Variants in SLC25A31 observed in about 807,000 individuals in gnomAD.
SLC25A31 encodes the protein solute carrier family 25 member 31.
SLC25A31 carries 40 observed loss-of-function variants against 36.2 expected under a neutral mutation model. The ratio of observed to expected loss-of-function variants is 1.10; its 90% CI spans 0.86 to 1.44. The LOEUF is 1.44. Among genes scored for constraint, SLC25A31 ranks in the 40% most tolerant of loss-of-function variants. SLC25A31 has a pLI of 0.00. For synonymous variants in SLC25A31, 143 were observed against 149.7 expected (o/e 0.96, Z 0.32); for missense variants, 350 against 397.1 (o/e 0.88, Z 1.01).
chr4:127,746,181 C>T (rs556168387), intron 2 of SLC25A31, among the ~76,000 whole-genome samples: 23 of 152,224 alleles, frequency 1.5e-4, no homozygotes, highest in Non-Finnish European at 3.2e-4. Context: ...TATATATGTA[C>T]CACATTTTCT....
chr4:127,756,167 C>T (rs899024521), intron 2 of SLC25A31, among the ~76,000 whole-genome samples: 2 of 152,138 alleles, frequency 1.3e-5, no homozygotes, highest in Admixed American at 6.5e-5. Flanking sequence ...GCATTATTCA[C>T]AATAGCTAAG....
chr4:127,734,155 T>C (rs902214961), intron 1 of SLC25A31, among the ~76,000 whole-genome samples: 2 of 152,242 alleles, frequency 1.3e-5, no homozygotes, highest in Non-Finnish European at 1.5e-5. Context: ...ACATCACTGC[T>C]AAAGTCACCA....
chr4:127,764,417 A>C (rs935397274), intron 3 of SLC25A31, 57 bp downstream of exon 3: 5 of 1,381,400 alleles, frequency 3.6e-6, no homozygotes, highest in Non-Finnish European at 5.1e-6. Context: ...ACCATCTGTT[A>C]TTTATTGGCA....
intron 1 of SLC25A31, among the ~76,000 whole-genome samples, chr4:127,740,250 A>G (rs1258446004): frequency 1.3e-5 from 2 of 151,722 alleles, no homozygotes; most frequent in Non-Finnish European, 2.9e-5. Context: ...TCTATGTAAC[A>G]TTATTGGGGT....
At position 127,764,999 on chromosome 4, in the gene SLC25A31, T is replaced by C. The variant is rs577484121; in HGVS notation, c.478+639T>C. 4.1e-4 allele frequency among the ~76,000 whole-genome samples: 62 copies of C among 152,328 alleles called. No homozygotes were observed. The South Asian group carries it at 0.012, about 31-fold the overall frequency. On this transcript the variant is annotated intron_variant, in intron 3 of 5. Coordinates refer to ENST00000281154, the MANE Select transcript of SLC25A31 (RefSeq NM_031291.4). The stretch of plus-strand genomic sequence containing the variant: ...ATACCAATTTGCTTACTCCGGATCC[T>C]TTAGTATATGTTTTTTCTTTTTAGT...
At chr4:127,745,882 T>G (rs1578659695) in intron 2 of SLC25A31, among the ~76,000 whole-genome samples, 1 of 152,272 alleles carries the variant, frequency 6.6e-6, no homozygotes, top group Non-Finnish European at 1.5e-5. Context: ...AGGGGTTTTT[T>G]GTACAGATAA....
intron 5 of SLC25A31, among the ~76,000 whole-genome samples, chr4:127,770,710 GA>G (rs556299259): frequency 1.3e-4 from 20 of 150,318 alleles, no homozygotes; most frequent in Middle Eastern, 3.4e-3. Context: ...CAACAGTACA[GA>G]AAAAAAAATG....
At chr4:127,750,437 A>G (rs556088180) in intron 2 of SLC25A31, among the ~76,000 whole-genome samples, 1 of 152,362 alleles carries the variant, frequency 6.6e-6, no homozygotes, top group African/African-American at 2.4e-5. Context: ...TTATAAACTC[A>G]TGGTAAAGTC....
intron 1 of SLC25A31, among the ~76,000 whole-genome samples, chr4:127,733,189 G>C (rs1362067047): frequency 6.6e-6 from 1 of 152,200 alleles, no homozygotes; most frequent in East Asian, 1.9e-4. Context: ...CTTCTGTTCA[G>C]AAGTTTACTA....
At chr4:127,749,632 C>T (rs2148757829) in intron 2 of SLC25A31, among the ~76,000 whole-genome samples, 1 of 151,640 alleles carries the variant, frequency 6.6e-6, no homozygotes, top group Non-Finnish European at 1.5e-5. Context: ...TCGCTTGAAC[C>T]CAGGAGGTGG....
chr4:127,744,703 A>G lies in SLC25A31; in HGVS notation c.264A>G (p.Ala88=), dbSNP rs752587529. The change falls in exon 2 of 6, where the codon GCA becomes GCG. Residue 88 remains alanine, a synonymous_variant. Coordinates refer to ENST00000281154, the MANE Select transcript of SLC25A31 (RefSeq NM_031291.4). ...TCAGTTTTTGGCGTGGCAATTTGGC[A>G]AATGTTATTCGGTATTTTCCAACAC... ...GFFSFWRGNL[A]NVIRYFPTQA... 6.2e-7 allele frequency: 1 copy of G among 1,603,486 alleles called. No homozygotes were observed. The highest frequency in any genetic ancestry group is 1.1e-5 in the South Asian group (1 of 88,550).
intron 2 of SLC25A31, among the ~76,000 whole-genome samples, chr4:127,752,425 AG>A (rs1399437073): frequency 6.9e-6 from 1 of 144,032 alleles, no homozygotes; most frequent in Non-Finnish European, 1.5e-5. Context: ...GTTGTGGGGT[AG>A]GGGGAGGGGG....
intron 2 of SLC25A31, among the ~76,000 whole-genome samples, chr4:127,754,347 T>C (rs1731990809): frequency 6.6e-6 from 1 of 152,020 alleles, no homozygotes; most frequent in African/African-American, 2.4e-5. Flanking sequence ...AGAAGTAATA[T>C]TGTCTCTGTT....
At chr4:127,753,308 A>G (rs1374268494) in intron 2 of SLC25A31, among the ~76,000 whole-genome samples, 2 of 151,442 alleles carry the variant, frequency 1.3e-5, no homozygotes, top group African/African-American at 4.8e-5. Flanking sequence ...GCCCAAACTC[A>G]GTTGAAGGAA....
At chr4:127,747,923 T>G (rs1260608947) in intron 2 of SLC25A31, among the ~76,000 whole-genome samples, 1 of 152,194 alleles carries the variant, frequency 6.6e-6, no homozygotes, top group Non-Finnish European at 1.5e-5. Flanking sequence ...GGAAGAGACC[T>G]AGAGAAACCA....
intron 2 of SLC25A31, among the ~76,000 whole-genome samples, chr4:127,745,251 A>G (rs950561243): frequency 6.6e-6 from 1 of 152,096 alleles, no homozygotes; most frequent in Non-Finnish European, 1.5e-5. Flanking sequence ...GTCCAAATGG[A>G]GCAAAACTGG....
Position 127,730,450 on chromosome 4 carries a change from G to T in SLC25A31, c.-96G>T, listed in dbSNP as rs532564183. 3.8e-6 allele frequency: 5 copies of T among 1,311,802 alleles called. No individual in the cohort carries two copies. Among genetic ancestry groups the T allele is most frequent in the East Asian group, 4.9e-5 (2 of 41,106 alleles). 81.3% of individuals were successfully genotyped at this position (1,311,802 alleles called of 1,614,324 possible). On this transcript the variant is annotated 5_prime_UTR_variant, in exon 1 of 6. Coordinates refer to ENST00000281154, the MANE Select transcript of SLC25A31 (RefSeq NM_031291.4). ...CCAAGAGCCACTTTCTCGCCAGTAC[G>T]ATGCTGCAGCGGTTTTCCGGTTTTC...
intron 3 of SLC25A31, among the ~76,000 whole-genome samples, chr4:127,766,423 C>A (rs1732245880): frequency 6.6e-6 from 1 of 152,086 alleles, no homozygotes; most frequent in African/African-American, 2.4e-5. Flanking sequence ...ACCTCAGCCT[C>A]CCAAAGTGCT....
rs1387031532 is a variant in SLC25A31 at position 127,774,186 on chromosome 4, TTAAAA to T, written c.*617_*621del. Reference sequence around the variant, plus strand: ...ATGGCTTATCTGCTGATGTTTATCTTTAAAATAAATAAAATCTTGCTAGTGTGAAT... The same window carrying T: ...ATGGCTTATCTGCTGATGTTTATCTTTAAATAAAATCTTGCTAGTGTGAAT... On this transcript the variant is annotated 3_prime_UTR_variant, in exon 6 of 6. Transcript: ENST00000281154. The T allele has an allele frequency of 1.3e-5, 2 of 152,208 alleles. No homozygotes were observed. Among genetic ancestry groups the T allele is most frequent in the African/African-American group, 2.4e-5 (1 of 41,456 alleles). The allele number at this position is 152,208 out of a possible 1,614,324, so 9.4% of individuals were successfully genotyped here.
Sources: gnomAD v4.1 joint callset for allele counts (sites outside exome capture counted in the v4.1 genomes callset) on GRCh38, gnomAD v4.1.1 for gene constraint, MANE v1.5 for transcripts, NCBI Gene and HGNC (gene_info 2026-07-23, HGNC 2026-07-21) for gene names.